MVB12A: variants seen among roughly 807,000 people sequenced by gnomAD.
The protein encoded by MVB12A is multivesicular body subunit 12A.
Under a neutral mutation model 34.3 loss-of-function variants are expected in MVB12A, and 30 were observed. The observed-to-expected ratio is 0.88, with a 90% CI of 0.65 to 1.19. MVB12A has a LOEUF of 1.19. Among genes scored for constraint, MVB12A ranks in the 50% most tolerant of loss-of-function variants. The pLI, the probability that MVB12A is intolerant of heterozygous loss-of-function variation, is 0.00. For synonymous variants in MVB12A, 158 were observed against 158.9 expected (o/e 0.99, Z 0.04); for missense variants, 355 against 369.2 (o/e 0.96, Z 0.31).
intron 4 of MVB12A, among the ~76,000 whole-genome samples, chr19:17,423,150 C>T (rs1342987479): frequency 7.0e-6 from 1 of 142,570 alleles, no homozygotes; most frequent in Non-Finnish European, 1.5e-5. Context: ...GTCAGGAGTT[C>T]GAGACCAGCC....
At chr19:17,415,727 A>AC (rs2074795550), upstream of MVB12A, 1 of 152,162 alleles carries the variant, frequency 6.6e-6, no homozygotes, top group African/African-American at 2.4e-5. Context: ...AGGACTCTTA[A>AC]TTCGTCTCGA....
chr19:17,413,623 TC>T (rs923079995), intron 2 of MVB12A, among the ~76,000 whole-genome samples: 5 of 151,726 alleles, frequency 3.3e-5, no homozygotes, highest in Admixed American at 2.6e-4. Flanking sequence ...GGTAGGAGGG[TC>T]CCTTGAGCCC....
At chr19:17,420,021 C>CCCCCCCCCCCCA, upstream of MVB12A, 1 of 439,938 alleles carries the variant, frequency 2.3e-6, no homozygotes, top group East Asian at 5.5e-5. Context: ...CTCCGCCCCC[C>CCCCCCCCCCCCA]CCCCCCGCAT....
chr19:17,420,501 G>C, intron 2 of MVB12A, 37 bp from the exon 3 acceptor site: 1 of 1,584,552 alleles, frequency 6.3e-7, no homozygotes, highest in Non-Finnish European at 8.7e-7. Flanking sequence ...TGTCCCCGCT[G>C]CTAGCCACCC....
chr19:17,413,485 G>T (rs1339278151), intron 2 of MVB12A: 3 of 152,206 alleles, frequency 2.0e-5, no homozygotes, highest in Non-Finnish European at 4.4e-5. Flanking sequence ...CTGCCACCAC[G>T]CCTGGCTAAT....
chr19:17,410,529 T>TATATATATATATATATACAC, intron 2 of MVB12A, among the ~76,000 whole-genome samples: 12 of 74,438 alleles, frequency 1.6e-4, no homozygotes, highest in Non-Finnish European at 2.2e-4. Flanking sequence ...TATATATATA[T>TATATATATATATATATACAC]ACACACACAC....
chr19:17,420,643 T>A lies in MVB12A; in HGVS notation c.286+9T>A. The A allele has an allele frequency of 6.3e-7, 1 of 1,586,902 alleles. No homozygotes were observed. The highest frequency in any genetic ancestry group is 8.7e-7 in the Non-Finnish European group (1 of 1,155,476). ...CGACCCCATGGATTCCAGTAAGGGC[T>A]GCTTCGGAGGCGAGAGTTGTCCGGG... On this transcript the variant is annotated intron_variant, in intron 3 of 8. Coordinates refer to ENST00000317040, the MANE Select transcript of MVB12A (RefSeq NM_138401.4).
At chr19:17,424,511 C>T (rs560380819) in intron 7 of MVB12A, 110 bp from the exon 8 acceptor site, 20 of 1,139,496 alleles carry the variant, frequency 1.8e-5, no homozygotes, top group African/African-American at 1.2e-4. Context: ...GAGGGATGTC[C>T]GAGGGAATAT....
At chr19:17,423,656 G>A (rs2074852326) in intron 5 of MVB12A, 37 bp from the exon 6 acceptor site, 1 of 1,613,310 alleles carries the variant, frequency 6.2e-7, no homozygotes, top group South Asian at 1.1e-5. Flanking sequence ...GGCCGTTGTG[G>A]GAGGATGAGG....
At chr19:17,410,419 C>T (rs980986676) in intron 2 of MVB12A, among the ~76,000 whole-genome samples, 46 of 149,138 alleles carry the variant, frequency 3.1e-4, no homozygotes, top group African/African-American at 1.0e-3. Context: ...GATCCTCCTG[C>T]CTCAGCCCCC....
rs747960004 is a variant in MVB12A at position 17,424,697 on chromosome 19, G to A, written c.759+20G>A. On this transcript the variant is annotated intron_variant, in intron 8 of 8. Coordinates refer to ENST00000317040, the MANE Select transcript of MVB12A (RefSeq NM_138401.4). Reference sequence around the variant, plus strand: ...GAGGAGGTGGGTGCAGGGCTAGGGAGGAGGTGGGTGCAGGGCTAGGGAGGA... The same window carrying A: ...GAGGAGGTGGGTGCAGGGCTAGGGAAGAGGTGGGTGCAGGGCTAGGGAGGA... 9 of 1,598,570 alleles carry A rather than the reference G, an allele frequency of 5.6e-6. No homozygotes were observed. The highest frequency in any genetic ancestry group is 4.5e-5 in the East Asian group (2 of 44,530).
At position 17,422,122 on chromosome 19, in the gene MVB12A, A is replaced by G. The variant is rs2084251353; in HGVS notation, c.287-210A>G. ...ATGCAGCTTCATATCACCAAAGATC[A>G]GCCTACTCCAGCGGTTCCTAAAGGC... On this transcript the variant is annotated intron_variant, in intron 3 of 8. Coordinates refer to ENST00000317040, the MANE Select transcript of MVB12A (RefSeq NM_138401.4). 7 of 440,618 alleles carry G rather than the reference A, an allele frequency of 1.6e-5. No individual in the cohort carries two copies. The South Asian group carries it at 2.6e-4, about 16-fold the overall frequency. 27.3% of individuals were successfully genotyped at this position (440,618 alleles called of 1,614,324 possible). A position where few individuals can be genotyped will look rare whatever the true frequency, so the allele number is the denominator to read the frequency against.
intron 8 of MVB12A, 44 bp from the exon 9 acceptor site, chr19:17,424,887 C>T (rs775664764): frequency 4.0e-6 from 6 of 1,507,562 alleles, no homozygotes; most frequent in Non-Finnish European, 5.5e-6. Flanking sequence ...TTGGCCCTCT[C>T]TTTACTCTGG....
chr19:17,406,219 G>A (rs1476383887), exon 2 of MVB12A: 2 of 152,164 alleles, frequency 1.3e-5, no homozygotes, highest in African/African-American at 4.8e-5. Flanking sequence ...AACAAACAAT[G>A]TCGGTCTCTG....
upstream of MVB12A, chr19:17,419,835 C>G (rs914059549): frequency 7.8e-6 from 2 of 257,208 alleles, no homozygotes; most frequent in African/African-American, 4.5e-5. Flanking sequence ...GTCTCTTGGT[C>G]CTGTGCCGTA....
At chr19:17,410,952 CATTTT>C (rs963879062) in intron 2 of MVB12A, among the ~76,000 whole-genome samples, 3 of 139,228 alleles carry the variant, frequency 2.2e-5, no homozygotes, top group Non-Finnish European at 4.6e-5. Flanking sequence ...AGAAAAGAAA[CATTTT>C]ATTTTATTTT....
intron 3 of MVB12A, chr19:17,422,004 C>T (rs1300399583): frequency 1.1e-5 from 2 of 189,086 alleles, no homozygotes; most frequent in East Asian, 1.2e-4. Flanking sequence ...AGTTGTCCAA[C>T]CTCTATAGGA....
intron 3 of MVB12A, chr19:17,420,889 T>A: frequency 1.5e-6 from 1 of 674,936 alleles, no homozygotes. Context: ...GTTTCACTAC[T>A]GTTGTGCTAC....
chr19:17,417,901 CTTTTTT>C, upstream of MVB12A: 1 of 238,110 alleles, frequency 4.2e-6, no homozygotes, highest in Non-Finnish European at 8.5e-6. Flanking sequence ...CTTCTTCTTC[CTTTTTT>C]TTTTTTTGAG....
Sources: gnomAD v4.1 joint callset for allele counts (sites outside exome capture counted in the v4.1 genomes callset) on GRCh38, gnomAD v4.1.1 for gene constraint, MANE v1.5 for transcripts, NCBI Gene and HGNC (gene_info 2026-07-23, HGNC 2026-07-21) for gene names.